Variants in FLI1 observed in about 807,000 individuals in gnomAD.
The protein encoded by FLI1 is Friend leukemia integration 1 transcription factor.
In FLI1, 13 loss-of-function variants were observed where a neutral mutation model predicts 53.1. The ratio of observed to expected loss-of-function variants is 0.24; its 90% CI spans 0.16 to 0.39. The LOEUF is 0.39. Among genes scored for constraint, FLI1 ranks in the 10% least tolerant of loss-of-function variants. FLI1 has a pLI of 1.00. For synonymous variants in FLI1, 244 were observed against 236.7 expected (o/e 1.03, Z -0.28); for missense variants, 424 against 600.5 (o/e 0.71, Z 3.07).
At position 128,765,806 on chromosome 11, in the gene FLI1, C is replaced by T. The variant is rs542841993; in HGVS notation, c.231-2312C>T. On this transcript the variant is annotated intron_variant, in intron 2 of 8. Transcript: ENST00000527786. ...TGCACGCGTGTGTGTAATGTGTATG[C>T]GTGTGTGTGCACTGTGTTTGCATGT... Among the ~76,000 whole-genome samples, 271 of 151,928 alleles carry T rather than the reference C, an allele frequency of 1.8e-3. 1 individual carries two copies. Among genetic ancestry groups the T allele is most frequent in the Non-Finnish European group, 3.1e-3 (211 of 67,972 alleles).
At chr11:128,754,660 G>A (rs1940793605) in intron 1 of FLI1, among the ~76,000 whole-genome samples, 1 of 152,222 alleles carries the variant, frequency 6.6e-6, no homozygotes. Context: ...AGCTCTCTGA[G>A]GTTTTTGAGC....
At chr11:128,750,308 G>A (rs552848561) in intron 1 of FLI1, among the ~76,000 whole-genome samples, 1 of 152,316 alleles carries the variant, frequency 6.6e-6, no homozygotes, top group East Asian at 1.9e-4. Flanking sequence ...ATTCAGGGCA[G>A]AACAGAGGGA....
chr11:128,712,750 A>T (rs1938838344), intron 1 of FLI1, among the ~76,000 whole-genome samples: 1 of 152,166 alleles, frequency 6.6e-6, no homozygotes, highest in Non-Finnish European at 1.5e-5. Context: ...CTCCCGCAAC[A>T]TGTGGGAGTT....
intron 5 of FLI1, among the ~76,000 whole-genome samples, chr11:128,793,099 C>A (rs1049063210): frequency 6.6e-6 from 1 of 151,986 alleles, no homozygotes; most frequent in African/African-American, 2.4e-5. Context: ...GCCTGGGCAA[C>A]AGAACAAGAC....
intron 5 of FLI1, among the ~76,000 whole-genome samples, chr11:128,799,252 G>A (rs1942553188): frequency 6.6e-6 from 1 of 151,820 alleles, no homozygotes; most frequent in African/African-American, 2.4e-5. Context: ...ACTGTTCCAG[G>A]AGCACAGGAA....
At chr11:128,687,179 G>T (rs1042728644) in intron 1 of FLI1, among the ~76,000 whole-genome samples, 2 of 152,248 alleles carry the variant, frequency 1.3e-5, no homozygotes, top group African/African-American at 4.8e-5. Flanking sequence ...GGTGAGACAC[G>T]CGCTCAGTCC....
At chr11:128,791,031 G>A (rs1942254677) in intron 5 of FLI1, among the ~76,000 whole-genome samples, 1 of 151,866 alleles carries the variant, frequency 6.6e-6, no homozygotes, top group Non-Finnish European at 1.5e-5. Context: ...TAATTACTCA[G>A]ACCCAGTTGA....
At chr11:128,729,234 G>A (rs11221447) in intron 1 of FLI1, among the ~76,000 whole-genome samples, 4 of 152,210 alleles carry the variant, frequency 2.6e-5, no homozygotes, top group Non-Finnish European at 5.9e-5. Context: ...TTAATGGAGC[G>A]AGAGGAGGCA....
Position 128,694,094 on chromosome 11 carries a change from C to A in FLI1, c.-165C>A. 1.8e-6 allele frequency: 1 copy of A among 548,080 alleles called. No homozygotes were observed. Among genetic ancestry groups the A allele is most frequent in the Non-Finnish European group, 3.0e-6 (1 of 332,084 alleles). The allele number at this position is 548,080 out of a possible 1,614,324, so 34.0% of individuals were successfully genotyped here. On this transcript the variant is annotated 5_prime_UTR_variant, in exon 1 of 9. Transcript: ENST00000527786. ...TGTCTCTTTCGCTCCGCTACAACAA[C>A]AAACGTGCACAGGGGAGTGAGGGCA...
At chr11:128,746,356 G>C (rs1205160887) in intron 1 of FLI1, among the ~76,000 whole-genome samples, 2 of 151,624 alleles carry the variant, frequency 1.3e-5, no homozygotes, top group East Asian at 3.9e-4. Flanking sequence ...GACAACCAAG[G>C]GCACATGCCA....
At position 128,734,298 on chromosome 11, in the gene FLI1, G is replaced by A. The variant is rs1253472775; in HGVS notation, c.19-23817G>A. ...TGTCCACGTCCACAGTGCTCTGAAC[G>A]TGCCTCATCTGATCTTGGAAGCTAA... On this transcript the variant is annotated intron_variant, in intron 1 of 8. Coordinates refer to ENST00000527786, the MANE Select transcript of FLI1 (RefSeq NM_002017.5). Among the ~76,000 whole-genome samples the A allele has an allele frequency of 6.6e-5, 10 of 152,230 alleles. No homozygotes were observed. The East Asian group carries it at 7.7e-4, about 12-fold the overall frequency.
chr11:128,719,208 A>C (rs1939147187), intron 1 of FLI1, among the ~76,000 whole-genome samples: 1 of 151,818 alleles, frequency 6.6e-6, no homozygotes, highest in Admixed American at 6.6e-5. Flanking sequence ...ACCCTGTTCA[A>C]ATTCTAGCTC....
chr11:128,777,215 T>TG (rs904025725), intron 4 of FLI1, among the ~76,000 whole-genome samples: 6 of 152,060 alleles, frequency 3.9e-5, no homozygotes, highest in Non-Finnish European at 8.8e-5. Context: ...TCAGGGCCGC[T>TG]GGGGGGAGTT....
intron 4 of FLI1, among the ~76,000 whole-genome samples, chr11:128,775,563 C>T (rs148114544): frequency 7.2e-5 from 11 of 152,292 alleles, no homozygotes; most frequent in African/African-American, 2.4e-4. Context: ...CATGGGCTGG[C>T]GATCGTGTCT....
Position 128,770,666 on chromosome 11 carries a change from A to G in FLI1, c.386-2116A>G, listed in dbSNP as rs1228518959. Among the ~76,000 whole-genome samples the G allele has an allele frequency of 4.6e-5, 7 of 152,332 alleles. No homozygotes were observed. In the South Asian group the frequency reaches 6.2e-4, roughly 14 times the overall value. On this transcript the variant is annotated intron_variant, in intron 3 of 8. Coordinates refer to ENST00000527786, the MANE Select transcript of FLI1 (RefSeq NM_002017.5). ...GAGGAAATAATAAAATAAATAAAAT[A>G]TATGGTGTAAAATTGAATTTGAGGC...
intron 1 of FLI1, among the ~76,000 whole-genome samples, chr11:128,717,557 T>C (rs1402336403): frequency 1.3e-5 from 2 of 152,150 alleles, no homozygotes; most frequent in Non-Finnish European, 2.9e-5. Flanking sequence ...CCTTTGTTTG[T>C]GTGCATGCCA....
At chr11:128,754,003 A>T (rs1349545839) in intron 1 of FLI1, among the ~76,000 whole-genome samples, 9 of 152,148 alleles carry the variant, frequency 5.9e-5, no homozygotes, top group African/African-American at 2.2e-4. Context: ...CTTGGGTCTC[A>T]AATCAGCTTG....
At chr11:128,739,822 C>T (rs1030464663) in intron 1 of FLI1, among the ~76,000 whole-genome samples, 4 of 152,120 alleles carry the variant, frequency 2.6e-5, no homozygotes, top group African/African-American at 9.7e-5. Context: ...CATGTCTGTG[C>T]ACCAGCAAAG....
chr11:128,719,327 G>A (rs549167662), intron 1 of FLI1, among the ~76,000 whole-genome samples: 291 of 150,720 alleles, frequency 1.9e-3, no homozygotes, highest in Non-Finnish European at 3.2e-3. Flanking sequence ...AATGGTCTGC[G>A]TGTGTGTGTA....
Sources: allele counts gnomAD v4.1 joint callset (sites outside exome capture counted in the v4.1 genomes callset), GRCh38; gene constraint gnomAD v4.1.1; transcripts MANE v1.5; gene names NCBI Gene and HGNC (gene_info 2026-07-23, HGNC 2026-07-21).